The following TRPM3 variants were observed in gnomAD, a reference collection of about 807,000 sequenced individuals.
TRPM3 encodes the protein long transient receptor potential channel 3.
Under a neutral mutation model 181.2 loss-of-function variants are expected in TRPM3, and 77 were observed. The observed-to-expected ratio is 0.42, with a 90% CI of 0.35 to 0.51. The LOEUF is 0.51. Among genes scored for constraint, TRPM3 ranks in the 20% least tolerant of loss-of-function variants. The pLI, the probability that TRPM3 is intolerant of heterozygous loss-of-function variation, is 0.01. For synonymous variants in TRPM3, 745 were observed against 796.4 expected, an observed-to-expected ratio of 0.94 and a Z score of 1.09; for missense variants, 1,759 against 2,196.7, an observed-to-expected ratio of 0.80 and a Z score of 3.98.
intron 6 of TRPM3, among the ~76,000 whole-genome samples, chr9:70,788,006 C>CTTT (rs557213258): frequency 4.5e-4 from 58 of 129,326 alleles, no homozygotes; most frequent in African/African-American, 1.5e-3. Flanking sequence ...ACTATCCTGA[C>CTTT]TTTTTTTTTT....
chr9:70,547,538 A>C (rs1384771124), intron 25 of TRPM3, among the ~76,000 whole-genome samples: 1 of 41,782 alleles, frequency 2.4e-5, no homozygotes. Context: ...ACAAATGCAA[A>C]AAAAAAAAAA....
intron 1 of TRPM3, among the ~76,000 whole-genome samples, chr9:71,133,292 CTTTTTT>C (rs761379173): frequency 1.1e-4 from 8 of 72,332 alleles, no homozygotes; most frequent in Admixed American, 2.5e-4. Context: ...TAGCAAATTG[CTTTTTT>C]TTTTTTTTTT....
intron 1 of TRPM3, among the ~76,000 whole-genome samples, chr9:71,368,574 TG>T (rs1471864090): frequency 8.8e-6 from 1 of 113,276 alleles, no homozygotes; most frequent in African/African-American, 2.8e-5. Context: ...AAAAGTGATC[TG>T]AAAAAAAATT....
At chr9:70,918,683 A>G (rs1160484883) in intron 1 of TRPM3, among the ~76,000 whole-genome samples, 2 of 152,220 alleles carry the variant, frequency 1.3e-5, no homozygotes, top group African/African-American at 2.4e-5. Flanking sequence ...CTTCAAATAA[A>G]CAACCTAACA....
intron 1 of TRPM3, among the ~76,000 whole-genome samples, chr9:71,352,374 A>T (rs760268934): frequency 4.6e-5 from 7 of 152,320 alleles, no homozygotes; most frequent in Non-Finnish European, 1.0e-4. Context: ...ATAGTTATTC[A>T]TTATATTCAA....
chr9:71,234,818 A>C (rs1324861962), intron 1 of TRPM3, among the ~76,000 whole-genome samples: 1 of 152,206 alleles, frequency 6.6e-6, no homozygotes, highest in Non-Finnish European at 1.5e-5. Context: ...ATATCCTGTT[A>C]TCCATCACCT....
intron 9 of TRPM3, among the ~76,000 whole-genome samples, chr9:70,656,243 AAAACTAT>A (rs1384407435): frequency 6.6e-6 from 1 of 152,242 alleles, no homozygotes; most frequent in East Asian, 1.9e-4. Context: ...TAGGGGTTAA[AAAACTAT>A]AAACCCAGCC....
At chr9:70,961,452 C>A (rs2097136027) in intron 1 of TRPM3, among the ~76,000 whole-genome samples, 1 of 152,132 alleles carries the variant, frequency 6.6e-6, no homozygotes, top group South Asian at 2.1e-4. Flanking sequence ...TTCTACCTGT[C>A]TCTCCTCATC....
intron 9 of TRPM3, among the ~76,000 whole-genome samples, chr9:70,667,649 T>C (rs1563912352): frequency 6.6e-6 from 1 of 152,266 alleles, no homozygotes; most frequent in East Asian, 1.9e-4. Flanking sequence ...ATACAATAAA[T>C]CTTTTATATT....
intron 1 of TRPM3, among the ~76,000 whole-genome samples, chr9:70,983,802 G>C (rs1242167784): frequency 6.6e-6 from 1 of 152,204 alleles, no homozygotes; most frequent in Non-Finnish European, 1.5e-5. Flanking sequence ...GATGCTGCCA[G>C]TTATTAATCA....
chr9:70,738,941 C>A (rs570977201), intron 8 of TRPM3, among the ~76,000 whole-genome samples: 1 of 151,950 alleles, frequency 6.6e-6, no homozygotes, highest in Non-Finnish European at 1.5e-5. Context: ...GATATAGAAA[C>A]TATGAACAGA....
chr9:70,891,009 C>T (rs764837340), intron 1 of TRPM3, among the ~76,000 whole-genome samples: 7 of 149,548 alleles, frequency 4.7e-5, no homozygotes, highest in Admixed American at 4.6e-4. Flanking sequence ...CATCACACTC[C>T]GGGGCCTGTC....
intron 6 of TRPM3, among the ~76,000 whole-genome samples, chr9:70,789,970 A>C (rs2084961779): frequency 6.6e-6 from 1 of 152,222 alleles, no homozygotes; most frequent in South Asian, 2.1e-4. Context: ...GGAATGAAAG[A>C]ATGTCTTAAA....
intron 1 of TRPM3, among the ~76,000 whole-genome samples, chr9:71,100,419 G>A (rs181669853): frequency 6.6e-5 from 10 of 152,172 alleles, no homozygotes; most frequent in African/African-American, 2.4e-4. Context: ...GCCTCTGGAG[G>A]CAGAAACTCT....
At chr9:70,574,569 A>G (rs968963859) in intron 22 of TRPM3, among the ~76,000 whole-genome samples, 1 of 152,168 alleles carries the variant, frequency 6.6e-6, no homozygotes, top group African/African-American at 2.4e-5. Context: ...ATGATTAAGT[A>G]TTTATTTGTG....
chr9:70,592,667 G>A (rs1036073057), intron 21 of TRPM3, among the ~76,000 whole-genome samples: 2 of 152,014 alleles, frequency 1.3e-5, no homozygotes, highest in African/African-American at 2.4e-5. Flanking sequence ...ACAAAAAAAA[G>A]CCTAATGCTA....
At chr9:70,915,970 A>G (rs2096590343) in intron 1 of TRPM3, among the ~76,000 whole-genome samples, 1 of 152,222 alleles carries the variant, frequency 6.6e-6, no homozygotes, top group African/African-American at 2.4e-5. Flanking sequence ...GGTAAAGGAT[A>G]AAGAATGAAT....
At chr9:71,368,123 A>AT (rs5898203) in intron 1 of TRPM3, among the ~76,000 whole-genome samples, 76,622 of 150,734 alleles carry the variant, frequency 0.51, 19,715 homozygotes, top group East Asian at 0.6. Context: ...AAGGACCAAG[A>AT]TTTTTTTTTT....
At chr9:71,419,450 G>C (rs1156629433) in intron 1 of TRPM3, among the ~76,000 whole-genome samples, 4 of 151,874 alleles carry the variant, frequency 2.6e-5, no homozygotes, top group Admixed American at 1.3e-4. Flanking sequence ...TTTCCCTGAG[G>C]AATAAAGTTC....
Sources: gnomAD v4.1 joint callset for allele counts (sites outside exome capture counted in the v4.1 genomes callset) on GRCh38, gnomAD v4.1.1 for gene constraint, MANE v1.5 for transcripts, NCBI Gene and HGNC (gene_info 2026-07-23, HGNC 2026-07-21) for gene names.